The following ATG2A variants were observed in gnomAD, a reference collection of about 807,000 sequenced individuals.
ATG2A encodes the protein autophagy-related protein 2 homolog A.
A neutral mutation model predicts 214.2 loss-of-function variants in ATG2A; 103 were observed. The ratio of observed to expected loss-of-function variants is 0.48; its 90% CI spans 0.41 to 0.57. The LOEUF is 0.57. ATG2A is among the 20% of genes least tolerant of loss of function. The probability of loss-of-function intolerance (pLI) is 0.00; values close to 1 mark genes in which losing one functional copy is unlikely to be tolerated. For missense variants in ATG2A, 2,312 were observed against 2,613.2 expected (o/e 0.88, Z 2.51); for synonymous variants, 1,160 against 1,142.1 (o/e 1.02, Z -0.32).
chr11:64,903,955 C>A lies in ATG2A; in HGVS notation c.3465-295G>T, dbSNP rs553514549. On this transcript the variant is annotated intron_variant, in intron 24 of 40. Transcript: ENST00000377264. The surrounding 1 kb of genome is among the most constrained non-coding windows in gnomAD (Gnocchi z 4.2). ...CATTTGTGGTTCTTCTAAAATAAGT[C>A]CTTATTTTTGGCTGGCGCGGTGGCT... 1.3e-5 allele frequency among the ~76,000 whole-genome samples: 2 copies of A among 152,300 alleles called. No individual in the cohort carries two copies. Among genetic ancestry groups the A allele is most frequent in the Admixed American group, 6.5e-5 (1 of 15,284 alleles).
chr11:64,900,702 G>C (rs1944322037), intron 30 of ATG2A, 73 bp from the exon 31 acceptor site: 4 of 1,487,500 alleles, frequency 2.7e-6, no homozygotes, highest in Non-Finnish European at 3.6e-6. Flanking sequence ...GGGCCTTTTA[G>C]CCTGGGACAA....
Position 64,899,319 on chromosome 11 carries a change from C to G in ATG2A, c.4465-477G>C, listed in dbSNP as rs1378305844. On this transcript the variant is annotated intron_variant, in intron 31 of 40. Transcript: ENST00000377264. ...TCTCTGCCCCTCAAGGAGTCCAGGC[C>G]TGTTTTGCCTTCAGGACTTTGCTCT... 2.0e-5 allele frequency among the ~76,000 whole-genome samples: 3 copies of G among 152,158 alleles called. No individual in the cohort carries two copies. In the East Asian group the frequency reaches 5.8e-4, roughly 29 times the overall value.
rs989112428 is a variant in ATG2A, at chr11:64,903,984, G to C, written c.3465-324C>G. On this transcript the variant is annotated intron_variant, in intron 24 of 40. Coordinates refer to ENST00000377264, the MANE Select transcript of ATG2A (RefSeq NM_015104.3). The surrounding 1 kb of genome is among the most constrained non-coding windows in gnomAD (Gnocchi z 4.2). ...ATTTTTGGCTGGCGCGGTGGCTCAC[G>C]CCTGTAATCCCAGCACTTGGAGAGG... 3.9e-5 allele frequency among the ~76,000 whole-genome samples: 6 copies of C among 152,218 alleles called. No homozygotes were observed. Among genetic ancestry groups the C allele is most frequent in the Non-Finnish European group, 4.4e-5 (3 of 68,038 alleles).
Position 64,910,974 on chromosome 11 carries a change from C to A in ATG2A, c.1467-20G>T, listed in dbSNP as rs747245667. The A allele has an allele frequency of 2.5e-6, 4 of 1,613,310 alleles. No individual in the cohort carries two copies. The African/African-American group carries it at 5.3e-5, about 22-fold the overall frequency. On this transcript the variant is annotated intron_variant, in intron 10 of 40. Coordinates refer to ENST00000377264, the MANE Select transcript of ATG2A (RefSeq NM_015104.3). Reference sequence around the variant, plus strand: ...GTTAGCCTGCGGGGAAGAGGACAGGCGTCAGAAGGTGCACTTAGGGGGCTC... The same window carrying A: ...GTTAGCCTGCGGGGAAGAGGACAGGAGTCAGAAGGTGCACTTAGGGGGCTC...
chr11:64,913,402 C>A lies in ATG2A; in HGVS notation c.591-1G>T. On this transcript the variant is annotated splice_acceptor_variant, in intron 4 of 40. Coordinates refer to ENST00000377264, the MANE Select transcript of ATG2A (RefSeq NM_015104.3). LOFTEE classifies it high-confidence loss of function. The surrounding 1 kb of genome is among the most constrained non-coding windows in gnomAD (Gnocchi z 4.3). ...CACTGCCTCATCACAGTACTCCAGTCTGGAGAGTGTAGGGTCAGCCCGTGC... is the reference window on the plus strand; with the variant it reads ...CACTGCCTCATCACAGTACTCCAGTATGGAGAGTGTAGGGTCAGCCCGTGC... 6.3e-7 allele frequency: 1 copy of A among 1,585,062 alleles called. No homozygotes were observed. Among genetic ancestry groups the A allele is most frequent in the Non-Finnish European group, 8.6e-7 (1 of 1,166,014 alleles).
rs1264040221 is a variant in ATG2A at position 64,912,427 on chromosome 11, G to T, written c.826-4C>A. 5 of 1,546,946 alleles carry T rather than the reference G, an allele frequency of 3.2e-6. No individual in the cohort carries two copies. Among genetic ancestry groups the T allele is most frequent in the Admixed American group, 2.0e-5 (1 of 50,730 alleles). On this transcript the variant is annotated splice_polypyrimidine_tract_variant and splice_region_variant and intron_variant, in intron 6 of 40. Coordinates refer to ENST00000377264, the MANE Select transcript of ATG2A (RefSeq NM_015104.3). Reference sequence around the variant, plus strand: ...CCAGCTGTCCCGCCACCTCCAACTGGGGGCCAAGGAGGCAGCCATGGAGCC... The same window carrying T: ...CCAGCTGTCCCGCCACCTCCAACTGTGGGCCAAGGAGGCAGCCATGGAGCC...
In ATG2A at chr11:64,917,156, GGCCGCC is replaced by G. The variant is rs1448938522; in HGVS notation, c.-27_-22del. The G allele has an allele frequency of 1.3e-6, 2 of 1,578,008 alleles. No homozygotes were observed. Among genetic ancestry groups the G allele is most frequent in the Admixed American group, 3.5e-5 (2 of 56,686 alleles). ...GACATCTCGGAGACCGCCGGGCCTG[GGCCGCC>G]TCCGCTTGCCGCCCGCCGGCGATCC... On this transcript the variant is annotated 5_prime_UTR_variant, in exon 1 of 41. Coordinates refer to ENST00000377264, the MANE Select transcript of ATG2A (RefSeq NM_015104.3).
In ATG2A at chr11:64,910,904, C is replaced by A; in HGVS notation, c.1517G>T (p.Arg506Leu). ...TTCCATGCTGGTTGTCCGCCGGCCC[C>A]GACTGCCCGTCCGCAGCTCCCAGGA... ...QLSWELRTGSRGRRTTSMEVH... is the reference protein window; with the variant it reads ...QLSWELRTGSLGRRTTSMEVH... The change falls in exon 11 of 41, where the codon CGG becomes CTG. Residue 506 changes from arginine (R) to leucine (L), a missense_variant. Transcript: ENST00000377264. 6.2e-7 allele frequency: 1 copy of A among 1,612,192 alleles called. No homozygotes were observed. Among genetic ancestry groups the A allele is most frequent in the Non-Finnish European group, 8.5e-7 (1 of 1,179,624 alleles).
rs763265012 is a variant in ATG2A at position 64,897,817 on chromosome 11, C to T, written c.4994+22G>A. On this transcript the variant is annotated intron_variant, in intron 35 of 40. Coordinates refer to ENST00000377264, the MANE Select transcript of ATG2A (RefSeq NM_015104.3). The stretch of plus-strand genomic sequence containing the variant: ...CCCAGCAATCTGGCCCAGGGCCCCC[C>T]ACCCGCAGTCCAGCAGCCTACCTGA... The T allele has an allele frequency of 5.6e-6, 9 of 1,613,354 alleles. 1 individual carries two copies. In the South Asian group the frequency reaches 7.7e-5, roughly 14 times the overall value.
At position 64,895,354 on chromosome 11, in the gene ATG2A, C is replaced by T. The variant is rs371145155; in HGVS notation, c.5516G>A (p.Arg1839His). 2.9e-5 allele frequency: 46 copies of T among 1,612,918 alleles called. No individual in the cohort carries two copies. The African/African-American group carries it at 2.9e-4, about 10-fold the overall frequency. The change falls in exon 40 of 41, where the codon CGC (arginine) becomes CAC (histidine). Residue 1839 changes from arginine to histidine, a missense_variant. Arg to His is a conservative substitution (Grantham distance 29, BLOSUM62 0). Coordinates refer to ENST00000377264, the MANE Select transcript of ATG2A (RefSeq NM_015104.3). The surrounding 1 kb of genome is among the most constrained non-coding windows in gnomAD (Gnocchi z 5.0). ...LQDKRSARRL[R>H]RGQQPADLRE... ...CAGGTCGGCAGGCTGCTGGCCCCTGCGCAGCCTCCGCGCAGAGCGCTTATC... is the reference window on the plus strand; with the variant it reads ...CAGGTCGGCAGGCTGCTGGCCCCTGTGCAGCCTCCGCGCAGAGCGCTTATC...
intron 24 of ATG2A, among the ~76,000 whole-genome samples, chr11:64,905,240 C>T (rs781085128): frequency 1.4e-4 from 22 of 152,162 alleles, no homozygotes; most frequent in Non-Finnish European, 2.9e-4. Context: ...CTTATTTGCT[C>T]AGGTTGTGAG....
intron 22 of ATG2A, 107 bp downstream of exon 22, chr11:64,906,006 C>A: frequency 7.0e-7 from 1 of 1,425,708 alleles, no homozygotes. Context: ...TCAGCTGTGG[C>A]CCAGTCCATG....
chr11:64,900,796 C>A, intron 30 of ATG2A, 88 bp downstream of exon 30: 1 of 1,466,686 alleles, frequency 6.8e-7, no homozygotes, highest in Non-Finnish European at 9.1e-7. Flanking sequence ...GTGGATGGGG[C>A]TCAAGGTCTC....
At position 64,900,511 on chromosome 11, in the gene ATG2A, C is replaced by G. The variant is rs992735480; in HGVS notation, c.4447G>C (p.Glu1483Gln). ...GSGRQHHVLM[E>Q]IQLSKVSFQH... is the part of the protein sequence containing the mutation. ...CCACTCACCTTGCTCAGCTGGATCT[C>G]CATGAGGACATGGTGCTGCCGCCCG... is the stretch of plus-strand genomic sequence containing the variant. The change falls in exon 31 of 41, where the codon GAG (glutamate) becomes CAG (glutamine). Residue 1483 changes from glutamate to glutamine, a missense_variant. Glu to Gln is a conservative substitution (Grantham distance 29). Coordinates refer to ENST00000377264, the MANE Select transcript of ATG2A (RefSeq NM_015104.3). 1.2e-6 allele frequency: 2 copies of G among 1,613,604 alleles called. No homozygotes were observed. Among genetic ancestry groups the G allele is most frequent in the Admixed American group, 3.3e-5 (2 of 60,032 alleles).
rs1945014791 is a variant in ATG2A at position 64,916,996 on chromosome 11, A to G, written c.140T>C (p.Val47Ala). ...TTCCAGGTGGATGTCTCGCAGGGCA[A>G]CGCTGCCCTTGTACAGATCGAGGCT... ...QLSLDLYKGS[V>A]ALRDIHLEIW... is the part of the protein sequence containing the mutation. Residue 47 changes from valine to alanine, a missense_variant, in exon 1 of 41, where the codon GTT becomes GCT. Coordinates refer to ENST00000377264, the MANE Select transcript of ATG2A (RefSeq NM_015104.3). The G allele has an allele frequency of 1.2e-6, 2 of 1,613,584 alleles. No homozygotes were observed. The highest frequency in any genetic ancestry group is 8.5e-7 in the Non-Finnish European group (1 of 1,180,002).
chr11:64,895,505 C>T lies in ATG2A; in HGVS notation c.5428-63G>A. 1.4e-6 allele frequency: 2 copies of T among 1,462,384 alleles called. No individual in the cohort carries two copies. The highest frequency in any genetic ancestry group is 1.8e-6 in the Non-Finnish European group (2 of 1,103,900). 90.6% of individuals were successfully genotyped at this position (1,462,384 alleles called of 1,614,324 possible). On this transcript the variant is annotated intron_variant, in intron 39 of 40. Coordinates refer to ENST00000377264, the MANE Select transcript of ATG2A (RefSeq NM_015104.3). This position sits in a 1 kb window ranked among gnomAD's most constrained non-coding sequence, Gnocchi z 5.0. ...TGGGGCACACGTCAGCCCCAGGCCCCCAGGACAGTCTGAGACCCCACCAGC... is the reference window on the plus strand; with the variant it reads ...TGGGGCACACGTCAGCCCCAGGCCCTCAGGACAGTCTGAGACCCCACCAGC...
chr11:64,911,376 G>T, intron 9 of ATG2A, 101 bp from the exon 10 acceptor site: 1 of 1,194,954 alleles, frequency 8.4e-7, no homozygotes, highest in Non-Finnish European at 1.2e-6. Context: ...GGCCAGGTCT[G>T]CCCCACCATG....
intron 16 of ATG2A, among the ~76,000 whole-genome samples, chr11:64,908,388 C>T (rs146805627): frequency 3.3e-5 from 5 of 152,262 alleles, no homozygotes; most frequent in African/African-American, 1.2e-4. Flanking sequence ...CCCGTCTCTA[C>T]TAAAAATATA....
At chr11:64,916,798 G>T (rs999436809) in intron 1 of ATG2A, 167 bp downstream of exon 1, 2 of 867,646 alleles carry the variant, frequency 2.3e-6, no homozygotes, top group East Asian at 5.4e-5. Flanking sequence ...CTCTGGTAAG[G>T]AACTGAAGAG....
Sources: allele counts gnomAD v4.1 joint callset (sites outside exome capture counted in the v4.1 genomes callset), GRCh38; gene constraint gnomAD v4.1.1; non-coding constraint Gnocchi (gnomAD v3.1); transcripts MANE v1.5; gene names NCBI Gene and HGNC (gene_info 2026-07-23, HGNC 2026-07-21).